TBL1X: variants seen among roughly 807,000 people sequenced by gnomAD.
TBL1X encodes the protein transducin beta like 1 X-linked.
Under a neutral mutation model 50.7 loss-of-function variants are expected in TBL1X, and 10 were observed. The ratio of observed to expected loss-of-function variants is 0.20; its 90% CI spans 0.12 to 0.33. TBL1X has a LOEUF of 0.33. TBL1X is among the 10% of genes least tolerant of loss of function. The pLI, the probability that TBL1X is intolerant of heterozygous loss-of-function variation, is 1.00. For synonymous variants in TBL1X, 190 were observed against 214.7 expected, an observed-to-expected ratio of 0.88 and a Z score of 1.01; for missense variants, 340 against 504.4, an observed-to-expected ratio of 0.67 and a Z score of 3.12.
intron 2 of TBL1X, chrX:9,639,979 T>C (rs957573388): frequency 1.8e-5 from 2 of 112,483 alleles, no homozygotes; most frequent in African/African-American, 6.5e-5. Flanking sequence ...CTTTAAATAA[T>C]AGCAGTAGCA....
chrX:9,688,804 T>A (rs1375526333), intron 7 of TBL1X, among the ~76,000 whole-genome samples: 1 of 113,237 alleles, frequency 8.8e-6, no homozygotes, highest in Non-Finnish European at 1.9e-5. Flanking sequence ...CCTGCTCCAC[T>A]TAGACATACT....
At chrX:9,467,472 A>G (rs905163737) in intron 1 of TBL1X, among the ~76,000 whole-genome samples, 3 of 112,104 alleles carry the variant, frequency 2.7e-5, no homozygotes, top group Non-Finnish European at 3.8e-5. Context: ...TGCTTTCCTG[A>G]TGCCTTGGAT....
intron 5 of TBL1X, among the ~76,000 whole-genome samples, chrX:9,682,016 C>T (rs1178608416): frequency 8.9e-6 from 1 of 112,751 alleles, no homozygotes; most frequent in Non-Finnish European, 1.9e-5. Context: ...AGGAAGATTC[C>T]ATGTAGTGGA....
chrX:9,697,339 C>G (rs144780939), intron 11 of TBL1X, 30 bp from the exon 12 acceptor site: 3 of 1,205,677 alleles, frequency 2.5e-6, no homozygotes, highest in Non-Finnish European at 3.4e-6. Flanking sequence ...AGAATAGTTA[C>G]TAACTTTTTC....
At chrX:9,554,145 T>G (rs1287093876) in intron 2 of TBL1X, among the ~76,000 whole-genome samples, 1 of 112,537 alleles carries the variant, frequency 8.9e-6, no homozygotes, top group Non-Finnish European at 1.9e-5. Flanking sequence ...CCTCCCAAAG[T>G]GCTGGGATTA....
intron 2 of TBL1X, among the ~76,000 whole-genome samples, chrX:9,617,881 T>C (rs1411411959): frequency 2.7e-5 from 3 of 111,794 alleles, no homozygotes; most frequent in Non-Finnish European, 5.6e-5. Context: ...GTGGGTAGAA[T>C]GGGCCGCTCA....
Position 9,716,643 on chromosome X carries a change from A to C in TBL1X, c.*397A>C, listed in dbSNP as rs1163284632. 1 of 113,680 alleles carries C rather than the reference A, an allele frequency of 8.8e-6. No homozygotes were observed. The highest frequency in any genetic ancestry group is 1.7e-5 in the Non-Finnish European group (1 of 58,524). 9.4% of individuals were successfully genotyped at this position (113,680 alleles called of 1,213,427 possible). A position where few individuals can be genotyped will look rare whatever the true frequency, so the allele number is the denominator to read the frequency against. On this transcript the variant is annotated 3_prime_UTR_variant, in exon 18 of 18. Coordinates refer to ENST00000645353, the MANE Select transcript of TBL1X (RefSeq NM_005647.4). ...ATAAACCAAACAGGGAAGGGGGAAA[A>C]ACCCTCCTCCTTGGGATTTTTTTTT...
intron 2 of TBL1X, among the ~76,000 whole-genome samples, chrX:9,581,065 G>A (rs1409417473): frequency 1.8e-5 from 2 of 111,522 alleles, no homozygotes; most frequent in Non-Finnish European, 3.8e-5. Flanking sequence ...GCTTTCGAAT[G>A]TTATTGTTGG....
At chrX:9,515,828 A>G (rs1274507366) in intron 2 of TBL1X, among the ~76,000 whole-genome samples, 1 of 111,640 alleles carries the variant, frequency 9.0e-6, no homozygotes, top group East Asian at 2.8e-4. Context: ...CAGAAAGTAG[A>G]TGAGTGGTTG....
At chrX:9,503,492 C>G (rs768267200) in intron 2 of TBL1X, among the ~76,000 whole-genome samples, 1 of 84,019 alleles carries the variant, frequency 1.2e-5, no homozygotes, top group African/African-American at 3.8e-5. Context: ...GGAGGGGCAG[C>G]AGCCAGCACT....
chrX:9,498,694 G>C, intron 1 of TBL1X, among the ~76,000 whole-genome samples: 2 of 112,682 alleles, frequency 1.8e-5, no homozygotes, highest in East Asian at 5.6e-4. Context: ...TGAGTTCACT[G>C]TCTTGGAGCA....
rs866234427 is a variant in TBL1X, at chrX:9,697,049, C to G, written c.1054-320C>G. On this transcript the variant is annotated intron_variant, in intron 11 of 17. Coordinates refer to ENST00000645353, the MANE Select transcript of TBL1X (RefSeq NM_005647.4). Reference sequence around the variant, plus strand: ...TCCAGATTGCTGAGTTTAAAACATGCTGTACTTTAATGATGTGGTATGGGA... The same window carrying G: ...TCCAGATTGCTGAGTTTAAAACATGGTGTACTTTAATGATGTGGTATGGGA... Among the ~76,000 whole-genome samples, 4 of 112,327 alleles carry G rather than the reference C, an allele frequency of 3.6e-5. 1 individual carries two copies. In the Middle Eastern group the frequency reaches 0.014, roughly 388 times the overall value.
chrX:9,551,261 G>T (rs983884977), intron 2 of TBL1X, among the ~76,000 whole-genome samples: 8 of 109,662 alleles, frequency 7.3e-5, no homozygotes, highest in African/African-American at 2.3e-4. Flanking sequence ...AGAGGGGGAG[G>T]TCAGTTATGA....
intron 1 of TBL1X, among the ~76,000 whole-genome samples, chrX:9,491,730 T>C (rs900815941): frequency 1.8e-5 from 2 of 110,859 alleles, no homozygotes; most frequent in Admixed American, 9.7e-5. Flanking sequence ...GGTTGGCATA[T>C]TGATGCTCGG....
chrX:9,541,754 A>G (rs111644532), intron 2 of TBL1X, among the ~76,000 whole-genome samples: 46 of 111,431 alleles, frequency 4.1e-4, no homozygotes, highest in African/African-American at 1.3e-3. Context: ...GGGACAAGCC[A>G]TGCAGCGTTT....
chrX:9,630,248 T>C (rs1312813342), intron 2 of TBL1X, among the ~76,000 whole-genome samples: 4 of 111,800 alleles, frequency 3.6e-5, no homozygotes, highest in Non-Finnish European at 7.5e-5. Flanking sequence ...CAGGAATCAC[T>C]CGATGTTTCG....
At chrX:9,688,644 T>G (rs2083076968) in intron 7 of TBL1X, among the ~76,000 whole-genome samples, 1 of 112,949 alleles carries the variant, frequency 8.9e-6, no homozygotes, top group Non-Finnish European at 1.9e-5. Flanking sequence ...GTATAATTAT[T>G]GAGCTTGCAG....
At chrX:9,481,547 G>A (rs1056218838) in intron 1 of TBL1X, among the ~76,000 whole-genome samples, 4 of 111,832 alleles carry the variant, frequency 3.6e-5, no homozygotes, top group African/African-American at 9.8e-5. Context: ...GGAGACACTG[G>A]TTATTTTACC....
intron 7 of TBL1X, 87 bp from the exon 8 acceptor site, chrX:9,691,492 A>G (rs1300400540): frequency 1.9e-6 from 2 of 1,037,677 alleles, no homozygotes; most frequent in East Asian, 6.2e-5. Flanking sequence ...AGTACATAAA[A>G]AAAATGTTTC....
Sources: allele counts gnomAD v4.1 joint callset (sites outside exome capture counted in the v4.1 genomes callset), GRCh38; gene constraint gnomAD v4.1.1; transcripts MANE v1.5; gene names NCBI Gene and HGNC (gene_info 2026-07-23, HGNC 2026-07-21).